The following NTM variants were observed in gnomAD, a reference collection of about 807,000 sequenced individuals.
NTM encodes the protein neurotrimin, also known as IgLON family member 2.
In NTM, 13 loss-of-function variants were observed where a neutral mutation model predicts 42.1. That is an observed-to-expected ratio of 0.31 (90% CI 0.20 to 0.49). The LOEUF is 0.49. NTM is among the 20% of genes least tolerant of loss of function. The probability of loss-of-function intolerance (pLI) is 0.99; values close to 1 mark genes in which losing one functional copy is unlikely to be tolerated. For synonymous variants in NTM, 187 were observed against 179.2 expected, an observed-to-expected ratio of 1.04 and a Z score of -0.35; for missense variants, 373 against 452.8, an observed-to-expected ratio of 0.82 and a Z score of 1.60.
intron 1 of NTM, among the ~76,000 whole-genome samples, chr11:131,404,172 C>T (rs552846196): frequency 3.9e-5 from 6 of 152,136 alleles, no homozygotes; most frequent in African/African-American, 9.7e-5. Context: ...ACAGTCTTCA[C>T]TTTTTCAGCA....
At chr11:131,394,880 G>T (rs747625372) in intron 1 of NTM, among the ~76,000 whole-genome samples, 1 of 152,194 alleles carries the variant, frequency 6.6e-6, no homozygotes, top group Non-Finnish European at 1.5e-5. Context: ...CACTGTTCTA[G>T]GTTCTGGGAA....
chr11:131,850,470 C>A (rs2045400367), intron 1 of NTM, among the ~76,000 whole-genome samples: 1 of 152,158 alleles, frequency 6.6e-6, no homozygotes, highest in Admixed American at 6.5e-5. Context: ...ATACACATGT[C>A]TACTAGGGAG....
At position 131,690,625 on chromosome 11, in the gene NTM, T is replaced by A. The variant is rs562806495; in HGVS notation, c.83-220939T>A. On this transcript the variant is annotated intron_variant, in intron 1 of 8. Transcript: ENST00000683400. ...ACGGAAATACAGAACACACTTCCCA[T>A]CTGCAAGGTGTCAGAGCGCGGGGCG... Among the ~76,000 whole-genome samples, 100 of 152,306 alleles carry A rather than the reference T, an allele frequency of 6.6e-4. 1 individual carries two copies. Among genetic ancestry groups the A allele is most frequent in the African/African-American group, 2.4e-3 (98 of 41,582 alleles).
chr11:131,957,535 G>T (rs1020529370), intron 2 of NTM, among the ~76,000 whole-genome samples: 1 of 152,116 alleles, frequency 6.6e-6, no homozygotes, highest in Non-Finnish European at 1.5e-5. Flanking sequence ...CTGCACCACT[G>T]CAAGACTAGT....
intron 2 of NTM, among the ~76,000 whole-genome samples, chr11:132,115,768 C>T (rs2063800415): frequency 6.6e-6 from 1 of 152,200 alleles, no homozygotes; most frequent in Non-Finnish European, 1.5e-5. Context: ...GCGTTCCTCT[C>T]CCTTCATTGA....
At chr11:132,303,895 G>A (rs761455018) in intron 4 of NTM, among the ~76,000 whole-genome samples, 2 of 152,030 alleles carry the variant, frequency 1.3e-5, no homozygotes, top group African/African-American at 2.4e-5. Context: ...TGCACTCCAC[G>A]TGTTGTCTTT....
chr11:131,833,112 G>A (rs557954496), intron 1 of NTM, among the ~76,000 whole-genome samples: 1 of 152,268 alleles, frequency 6.6e-6, no homozygotes, highest in East Asian at 1.9e-4. Flanking sequence ...ATTTTGAACA[G>A]AAATTTATGT....
intron 1 of NTM, among the ~76,000 whole-genome samples, chr11:131,560,858 G>A (rs1210323080): frequency 6.6e-6 from 1 of 152,170 alleles, no homozygotes; most frequent in Non-Finnish European, 1.5e-5. Flanking sequence ...TTGAAAGGAA[G>A]GCCCTTTCTC....
intron 1 of NTM, among the ~76,000 whole-genome samples, chr11:131,502,271 C>A (rs1019646967): frequency 1.3e-5 from 2 of 152,000 alleles, no homozygotes; most frequent in Non-Finnish European, 2.9e-5. Context: ...TATGAAGGAG[C>A]CTCGAGAGAG....
At chr11:131,858,080 A>G (rs2046281753) in intron 1 of NTM, among the ~76,000 whole-genome samples, 1 of 150,884 alleles carries the variant, frequency 6.6e-6, no homozygotes, top group Admixed American at 6.6e-5. Flanking sequence ...ACATTTTATC[A>G]TACTGAGCTC....
chr11:131,908,689 T>C (rs1461849515), intron 1 of NTM, among the ~76,000 whole-genome samples: 1 of 152,216 alleles, frequency 6.6e-6, no homozygotes, highest in African/African-American at 2.4e-5. Flanking sequence ...AAGCCCAAAT[T>C]CAGCAGACTG....
At chr11:131,809,568 C>G (rs2092654221) in intron 1 of NTM, among the ~76,000 whole-genome samples, 1 of 152,196 alleles carries the variant, frequency 6.6e-6, no homozygotes, top group African/African-American at 2.4e-5. Context: ...TGTTTGAACA[C>G]AGGTTTCTGG....
At chr11:132,301,310 A>T (rs2094846046) in intron 4 of NTM, among the ~76,000 whole-genome samples, 1 of 152,158 alleles carries the variant, frequency 6.6e-6, no homozygotes, top group South Asian at 2.1e-4. Flanking sequence ...CACTCCCATG[A>T]TTCAATTATC....
rs147073558 is a variant in NTM at position 132,258,366 on chromosome 11, G to A, written c.526+46219G>A. 3.3e-5 allele frequency among the ~76,000 whole-genome samples: 5 copies of A among 152,158 alleles called. No individual in the cohort carries two copies. The South Asian group carries it at 6.3e-4, about 19-fold the overall frequency. On this transcript the variant is annotated intron_variant, in intron 4 of 8. Coordinates refer to ENST00000683400, the MANE Select transcript of NTM (RefSeq NM_001352005.2). ...TGAACATGCGTTAAATATATTGGAC[G>A]ATGGCTTAAATGGATGATTTTTCCT...
At chr11:132,168,174 C>T (rs1035941537) in intron 3 of NTM, among the ~76,000 whole-genome samples, 1 of 152,156 alleles carries the variant, frequency 6.6e-6, no homozygotes, top group Non-Finnish European at 1.5e-5. Context: ...CTAAATATGT[C>T]TATTGCACTG....
chr11:132,118,085 T>C (rs919968977), intron 2 of NTM, among the ~76,000 whole-genome samples: 1 of 152,272 alleles, frequency 6.6e-6, no homozygotes, highest in African/African-American at 2.4e-5. Context: ...CACATTTATA[T>C]TGCATCTTCA....
At chr11:132,087,738 A>G (rs1206643833) in intron 2 of NTM, among the ~76,000 whole-genome samples, 1 of 152,224 alleles carries the variant, frequency 6.6e-6, no homozygotes, top group Non-Finnish European at 1.5e-5. Context: ...CAAAGGGAAA[A>G]AAAAAAGCTT....
intron 2 of NTM, among the ~76,000 whole-genome samples, chr11:132,079,949 T>A (rs529039881): frequency 1.3e-5 from 2 of 152,318 alleles, no homozygotes; most frequent in African/African-American, 4.8e-5. Flanking sequence ...GTTGATTTTT[T>A]AAATTTCGAA....
chr11:132,331,831 T>C (rs562843071), intron 8 of NTM, among the ~76,000 whole-genome samples: 1 of 152,184 alleles, frequency 6.6e-6, no homozygotes, highest in East Asian at 1.9e-4. Context: ...GTGAGACATA[T>C]TTCGGACGGA....
Sources: gnomAD v4.1 joint callset for allele counts (sites outside exome capture counted in the v4.1 genomes callset) on GRCh38, gnomAD v4.1.1 for gene constraint, MANE v1.5 for transcripts, NCBI Gene and HGNC (gene_info 2026-07-23, HGNC 2026-07-21) for gene names.